MYOM3: variants seen among roughly 807,000 people sequenced by gnomAD.
MYOM3 encodes the protein myomesin 3, also known as myomesin-3.
Under a neutral mutation model 191.7 loss-of-function variants are expected in MYOM3, and 155 were observed. That is an observed-to-expected ratio of 0.81 (90% confidence interval 0.71 to 0.92). The LOEUF is 0.92. Ranked by LOEUF, MYOM3 falls within the 40% of genes least tolerant of loss-of-function variation. The probability of loss-of-function intolerance (pLI) is 0.00; values close to 1 mark genes in which losing one functional copy is unlikely to be tolerated. For synonymous variants in MYOM3, 757 were observed against 762.9 expected, an observed-to-expected ratio of 0.99 and a Z score of 0.13; for missense variants, 1,889 against 1,890.6, an observed-to-expected ratio of 1.00 and a Z score of 0.02.
Position 24,081,087 on chromosome 1 carries a change from T to C in MYOM3, c.2407+243A>G, listed in dbSNP as rs185683289. On this transcript the variant is annotated intron_variant, in intron 19 of 36. Transcript: ENST00000374434. ...GCAGGCAGGCTCTCGAGTTGGGAAATAGTTTGTGCTGGGGATACAGGGCCA... is the reference window on the plus strand; with the variant it reads ...GCAGGCAGGCTCTCGAGTTGGGAAACAGTTTGTGCTGGGGATACAGGGCCA... Among the ~76,000 whole-genome samples, 82 of 152,236 alleles carry C rather than the reference T, an allele frequency of 5.4e-4. 1 individual carries two copies. Among genetic ancestry groups the C allele is most frequent in the African/African-American group, 1.9e-3 (80 of 41,520 alleles).
At chr1:24,082,858 C>A in intron 16 of MYOM3, 144 bp from the exon 17 acceptor site, 6 of 1,013,994 alleles carry the variant, frequency 5.9e-6, no homozygotes, top group Non-Finnish European at 8.2e-6. Flanking sequence ...AAATATTGCC[C>A]TTGATCCCAT....
chr1:24,071,499 T>C lies in MYOM3; in HGVS notation c.3014-246A>G, dbSNP rs1373902008. Reference sequence around the variant, plus strand: ...CTGCAGTTCTCAACCTGGCAGGGCATTGGATCCCAGACGACTTTCAAAAAC... The same window carrying C: ...CTGCAGTTCTCAACCTGGCAGGGCACTGGATCCCAGACGACTTTCAAAAAC... On this transcript the variant is annotated intron_variant, in intron 24 of 36. Coordinates refer to ENST00000374434, the MANE Select transcript of MYOM3 (RefSeq NM_152372.4). 3.9e-5 allele frequency among the ~76,000 whole-genome samples: 6 copies of C among 152,318 alleles called. 1 individual carries two copies. In the East Asian group the frequency reaches 1.2e-3, roughly 29 times the overall value.
chr1:24,073,444 C>T (rs1477684922), intron 23 of MYOM3, among the ~76,000 whole-genome samples: 2 of 152,172 alleles, frequency 1.3e-5, no homozygotes, highest in Non-Finnish European at 2.9e-5. Context: ...CAGTCCCCAG[C>T]GCTCCCTATT....
Position 24,063,188 on chromosome 1 carries a change from G to A in MYOM3, c.3708C>T (p.Ile1236=). The A allele has an allele frequency of 6.2e-7, 1 of 1,614,032 alleles. No homozygotes were observed. Among genetic ancestry groups the A allele is most frequent in the Non-Finnish European group, 8.5e-7 (1 of 1,179,952 alleles). The part of the protein sequence containing the change: ...PLKIQGTEEG[I]RIFSKVKYYN... Reference sequence around the variant, plus strand: ...AGTACTTGACCTTGCTGAAGATCCGGATCCCTTCCTCGGTCCCCTGGATTT... The same window carrying A: ...AGTACTTGACCTTGCTGAAGATCCGAATCCCTTCCTCGGTCCCCTGGATTT... The change falls in exon 32 of 37, where the codon ATC becomes ATT. Residue 1236 remains isoleucine (I), a synonymous_variant. Coordinates refer to ENST00000374434, the MANE Select transcript of MYOM3 (RefSeq NM_152372.4). The surrounding 1 kb of genome is among the most constrained non-coding windows in gnomAD (Gnocchi z 4.5).
At position 24,068,007 on chromosome 1, in the gene MYOM3, C is replaced by T. The variant is rs1161133945; in HGVS notation, c.3318G>A (p.Lys1106=). Residue 1106 remains lysine (K), a synonymous_variant, in exon 27 of 37, where the codon AAG becomes AAA. Transcript: ENST00000374434. ...TCCAGTCCCTTCTCTTAGCATCTGC[C>T]TTCCTCAGAAGCTTGTCAAAATCTG... The part of the protein sequence containing the change: ...VDDDFDKLLR[K]ADAKRRDWKR... The T allele has an allele frequency of 1.9e-6, 3 of 1,614,224 alleles. No individual in the cohort carries two copies. Among genetic ancestry groups the T allele is most frequent in the African/African-American group, 1.3e-5 (1 of 75,060 alleles).
Position 24,071,164 on chromosome 1 carries a change from C to T in MYOM3, c.3103G>A (p.Ala1035Thr). The change falls in exon 25 of 37, where the codon GCT becomes ACT. Residue 1035 changes from alanine to threonine, a missense_variant. By Grantham distance (58) the Ala-to-Thr change is moderately conservative. Coordinates refer to ENST00000374434, the MANE Select transcript of MYOM3 (RefSeq NM_152372.4). ...WLEVEKLSPA[A>T]ELHLIFNNKE... Reference sequence around the variant, plus strand: ...TTGTTGAAGATTAGATGTAGCTCAGCGGCTGGAGATAACTTTTCTACTTCC... The same window carrying T: ...TTGTTGAAGATTAGATGTAGCTCAGTGGCTGGAGATAACTTTTCTACTTCC... 6.2e-7 allele frequency: 1 copy of T among 1,614,156 alleles called. No homozygotes were observed. Among genetic ancestry groups the T allele is most frequent in the Non-Finnish European group, 8.5e-7 (1 of 1,180,002 alleles).
chr1:24,104,960 G>A (rs1208346062), intron 5 of MYOM3, among the ~76,000 whole-genome samples: 1 of 152,234 alleles, frequency 6.6e-6, no homozygotes, highest in Admixed American at 6.5e-5. Flanking sequence ...GACCCAGGGG[G>A]ATCTCAGGAA....
In MYOM3 at chr1:24,067,026, A is replaced by G. The variant is rs779589433; in HGVS notation, c.3418T>C (p.Cys1140Arg). Residue 1140 changes from cysteine (C) to arginine (R), a missense_variant, in exon 28 of 37, where the codon TGC (cysteine) becomes CGC (arginine). By Grantham distance (180) the Cys-to-Arg change is radical (BLOSUM62 -3). Transcript: ENST00000374434. ...CAGGGCAGGGCAGGACTTGCCTTGC[A>G]CGTCAGCTGCACTTGGCAGTCCTCC... ...VTEDCQVQLT[C>R]KVTNTKKETR... is the part of the protein sequence containing the mutation. 5 of 1,570,678 alleles carry G rather than the reference A, an allele frequency of 3.2e-6. No individual in the cohort carries two copies. The highest frequency in any genetic ancestry group is 4.3e-6 in the Non-Finnish European group (5 of 1,156,128).
rs1263611831 is a variant in MYOM3 at position 24,089,583 on chromosome 1, C to A, written c.1569G>T (p.Glu523Asp). The change falls in exon 14 of 37, where the codon GAG (glutamate) becomes GAT (aspartate). Residue 523 changes from glutamate to aspartate, a missense_variant. Transcript: ENST00000374434. Reference sequence around the variant, plus strand: ...GTGGTGCTCTGTCCCGGGGGCTGGGCTCCTCCCAGGCCAGAACCACATAGG... The same window carrying A: ...GTGGTGCTCTGTCCCGGGGGCTGGGATCCTCCCAGGCCAGAACCACATAGG... ...REAYVVLAWEEPSPRDRAPLT... is the reference protein window; with the variant it reads ...REAYVVLAWEDPSPRDRAPLT... The A allele has an allele frequency of 1.3e-6, 2 of 1,596,652 alleles. No homozygotes were observed. The highest frequency in any genetic ancestry group is 1.3e-5 in the African/African-American group (1 of 74,824).
At chr1:24,059,800 G>C (rs541146938) in intron 35 of MYOM3, among the ~76,000 whole-genome samples, 1 of 152,326 alleles carries the variant, frequency 6.6e-6, no homozygotes, top group East Asian at 1.9e-4. Flanking sequence ...GCAGAAATCT[G>C]GTCTACTCCT....
chr1:24,079,879 A>T, intron 20 of MYOM3, 137 bp downstream of exon 20: 1 of 809,994 alleles, frequency 1.2e-6, no homozygotes, highest in Non-Finnish European at 1.9e-6. Context: ...GTGTGACCCT[A>T]GGTAAATCGC....
In MYOM3 at chr1:24,108,491, C is replaced by T. The variant is rs1241256116; in HGVS notation, c.146G>A (p.Arg49Gln). Residue 49 changes from arginine (R) to glutamine (Q), a missense_variant, in exon 2 of 37, where the codon CGG (arginine) becomes CAG (glutamine). Coordinates refer to ENST00000374434, the MANE Select transcript of MYOM3 (RefSeq NM_152372.4). ...SLRMGSSVRR[R>Q]TFRSSEEEHE... is the part of the protein sequence containing the mutation. Reference sequence around the variant, plus strand: ...TGGCTCCCACCTGCTGCGGAAGGTCCGCCTCCGCACAGAGGAGCCCATGCG... The same window carrying T: ...TGGCTCCCACCTGCTGCGGAAGGTCTGCCTCCGCACAGAGGAGCCCATGCG... 11 of 1,564,226 alleles carry T rather than the reference C, an allele frequency of 7.0e-6. No homozygotes were observed. The highest frequency in any genetic ancestry group is 1.7e-4 in the Middle Eastern group (1 of 5,742).
chr1:24,107,563 C>G (rs1643995180), intron 3 of MYOM3, among the ~76,000 whole-genome samples: 1 of 152,172 alleles, frequency 6.6e-6, no homozygotes, highest in Non-Finnish European at 1.5e-5. Flanking sequence ...TCAGCCAGGA[C>G]CACCACCCAA....
At position 24,063,130 on chromosome 1, in the gene MYOM3, G is replaced by A; in HGVS notation, c.3766C>T (p.His1256Tyr). 1.9e-6 allele frequency: 3 copies of A among 1,605,258 alleles called. No homozygotes were observed. Among genetic ancestry groups the A allele is most frequent in the East Asian group, 2.2e-5 (1 of 44,620 alleles). Reference sequence around the variant, plus strand: ...TCTGGGGCAAGGCGGACTTACTTGTGGAACCAGGTGGTTTTCATGTACTCC... The same window carrying A: ...TCTGGGGCAAGGCGGACTTACTTGTAGAACCAGGTGGTTTTCATGTACTCC... ...NVEYMKTTWF[H>Y]KDKRLESGDR... The change falls in exon 32 of 37, where the codon CAC becomes TAC. Residue 1256 changes from histidine to tyrosine, a missense_variant. His to Tyr is a moderately conservative substitution (Grantham distance 83). Coordinates refer to ENST00000374434, the MANE Select transcript of MYOM3 (RefSeq NM_152372.4). The surrounding 1 kb of genome is among the most constrained non-coding windows in gnomAD (Gnocchi z 4.5).
intron 25 of MYOM3, among the ~76,000 whole-genome samples, chr1:24,069,584 T>C (rs1407632271): frequency 6.8e-6 from 1 of 147,778 alleles, no homozygotes; most frequent in African/African-American, 2.5e-5. Context: ...ACATATTTTC[T>C]TCCTTTTTTC....
rs1392523585 is a variant in MYOM3, at chr1:24,087,838, G to T, written c.1615-1011C>A. ...TGCCGTGTCCCTAGGGCCAAGAACA[G>T]GACTGGCACATAGCAGGTGCTCCAT... On this transcript the variant is annotated intron_variant, in intron 14 of 36. Transcript: ENST00000374434. This position sits in a 1 kb window ranked among gnomAD's most constrained non-coding sequence, Gnocchi z 4.5. Among the ~76,000 whole-genome samples, 4 of 152,318 alleles carry T rather than the reference G, an allele frequency of 2.6e-5. No individual in the cohort carries two copies. Among genetic ancestry groups the T allele is most frequent in the South Asian group, 2.1e-4 (1 of 4,826 alleles).
At chr1:24,075,625 G>A in intron 21 of MYOM3, 150 bp from the exon 22 acceptor site, 4 of 766,604 alleles carry the variant, frequency 5.2e-6, no homozygotes, top group Admixed American at 3.6e-5. Context: ...TGCAGGATCC[G>A]GCTCCTTCCC....
intron 16 of MYOM3, chr1:24,083,535 A>G (rs1424775809): frequency 6.6e-6 from 1 of 152,280 alleles, no homozygotes; most frequent in Non-Finnish European, 1.5e-5. Context: ...GTGTGAGTCA[A>G]TAGTCCTTAA....
At chr1:24,082,330 G>T in intron 17 of MYOM3, 142 bp from the exon 18 acceptor site, 2 of 905,514 alleles carry the variant, frequency 2.2e-6, no homozygotes, top group Non-Finnish European at 1.6e-6. Flanking sequence ...TAGTATCTGT[G>T]CCTCAGGAGG....
Sources: gnomAD v4.1 joint callset for allele counts (sites outside exome capture counted in the v4.1 genomes callset) on GRCh38, gnomAD v4.1.1 for gene constraint, Gnocchi (gnomAD v3.1) non-coding constraint, MANE v1.5 for transcripts, NCBI Gene and HGNC (gene_info 2026-07-23, HGNC 2026-07-21) for gene names.